Variants in FAM78B observed in about 807,000 individuals in gnomAD.
FAM78B encodes the protein family with sequence similarity 78 member B.
In FAM78B, 10 loss-of-function variants were observed where a neutral mutation model predicts 20.0. The ratio of observed to expected loss-of-function variants is 0.50; its 90% CI spans 0.31 to 0.85. The LOEUF (loss-of-function observed/expected upper bound fraction) is 0.85, where lower values mean the gene tolerates loss of function less well. Among genes scored for constraint, FAM78B ranks in the 40% least tolerant of loss-of-function variants. The probability of loss-of-function intolerance (pLI) is 0.05; values close to 1 mark genes in which losing one functional copy is unlikely to be tolerated. For missense variants in FAM78B, 283 were observed against 345.0 expected (o/e 0.82, Z 1.42); for synonymous variants, 135 against 132.8 (o/e 1.02, Z -0.12).
At chr1:166,084,258 CTCTCTCTT>C (rs1349077951) in intron 1 of FAM78B, among the ~76,000 whole-genome samples, 10 of 151,486 alleles carry the variant, frequency 6.6e-5, no homozygotes, top group African/African-American at 2.2e-4. Context: ...CTCTCTCTCT[CTCTCTCTT>C]TCTCTCTCTC....
In FAM78B at chr1:166,102,918, C is replaced by T. The variant is rs577480769; in HGVS notation, c.264-32155G>A. Reference sequence around the variant, plus strand: ...AACAGAATATACATTCTTTTCAGCACGACACCACACCTATTCCAAAATTGA... The same window carrying T: ...AACAGAATATACATTCTTTTCAGCATGACACCACACCTATTCCAAAATTGA... On this transcript the variant is annotated intron_variant, in intron 1 of 1. Coordinates refer to ENST00000354422, the MANE Select transcript of FAM78B (RefSeq NM_001017961.5). Among the ~76,000 whole-genome samples the T allele has an allele frequency of 1.2e-3, 182 of 152,306 alleles. 1 individual carries two copies. The highest frequency in any genetic ancestry group is 4.2e-3 in the African/African-American group (173 of 41,550).
At chr1:166,107,967 CA>C (rs1441115914) in intron 1 of FAM78B, among the ~76,000 whole-genome samples, 1 of 152,064 alleles carries the variant, frequency 6.6e-6, no homozygotes, top group Non-Finnish European at 1.5e-5. Flanking sequence ...AAACTCTCAG[CA>C]AAATAGGCAT....
intron 1 of FAM78B, among the ~76,000 whole-genome samples, chr1:166,151,435 T>C (rs748299447): frequency 2.0e-5 from 3 of 152,120 alleles, no homozygotes; most frequent in Admixed American, 6.6e-5. Context: ...ATGTTGAAGG[T>C]AAATCTTGAA....
rs1473528733 is a variant in FAM78B, at chr1:166,069,801, C to CCAGT, written c.*436_*439dup. 5.4e-6 allele frequency: 1 copy of CCAGT among 184,330 alleles called. No homozygotes were observed. The highest frequency in any genetic ancestry group is 2.4e-5 in the African/African-American group (1 of 42,140). The allele number at this position is 184,330 out of a possible 1,614,324, so 11.4% of individuals were successfully genotyped here. ...TCACCACCCATTTCCCCAGCACCCT[C>CCAGT]CAGTCAGACAGCAGGAGTCTGTCTT... On this transcript the variant is annotated 3_prime_UTR_variant, in exon 2 of 2. Coordinates refer to ENST00000354422, the MANE Select transcript of FAM78B (RefSeq NM_001017961.5).
chr1:166,145,723 C>T (rs17423848), intron 1 of FAM78B, among the ~76,000 whole-genome samples: 10,764 of 152,254 alleles, frequency 0.071, 458 homozygotes, highest in South Asian at 0.14. Context: ...AGCCCATCCA[C>T]GCAAGCTTTT....
At chr1:166,099,514 T>A (rs1248176797) in intron 1 of FAM78B, among the ~76,000 whole-genome samples, 1 of 152,198 alleles carries the variant, frequency 6.6e-6, no homozygotes, top group African/African-American at 2.4e-5. Context: ...AACTATCTGC[T>A]GCCTTCAGGA....
At chr1:166,096,705 G>C (rs1653290227) in intron 1 of FAM78B, among the ~76,000 whole-genome samples, 1 of 152,064 alleles carries the variant, frequency 6.6e-6, no homozygotes, top group Non-Finnish European at 1.5e-5. Context: ...TTACCCAGTT[G>C]GTCTTCCTCC....
intron 1 of FAM78B, among the ~76,000 whole-genome samples, chr1:166,105,475 C>A (rs1156507339): frequency 4.6e-5 from 7 of 152,126 alleles, no homozygotes. Context: ...GGGCTAATAT[C>A]CAGAATCTAC....
At chr1:166,150,106 G>C (rs1266504395) in intron 1 of FAM78B, among the ~76,000 whole-genome samples, 4 of 152,242 alleles carry the variant, frequency 2.6e-5, no homozygotes, top group South Asian at 2.1e-4. Flanking sequence ...CTGTGCCTCA[G>C]GGGGGGTTTG....
downstream of FAM78B, among the ~76,000 whole-genome samples, chr1:166,068,682 A>G (rs944633893): frequency 1.3e-5 from 2 of 152,258 alleles, no homozygotes; most frequent in Admixed American, 1.3e-4. Context: ...CTGAACTTCA[A>G]ATTTCTCCCT....
At chr1:166,124,111 A>G (rs1240449827) in intron 1 of FAM78B, among the ~76,000 whole-genome samples, 2 of 152,080 alleles carry the variant, frequency 1.3e-5, no homozygotes, top group Non-Finnish European at 2.9e-5. Flanking sequence ...TAGCAAAACC[A>G]ATCTCCTTGT....
intron 1 of FAM78B, among the ~76,000 whole-genome samples, chr1:166,118,367 C>T (rs1464939577): frequency 2.6e-5 from 4 of 152,140 alleles, no homozygotes; most frequent in Non-Finnish European, 5.9e-5. Context: ...AAAGTCTATA[C>T]CAAGATACCT....
intron 1 of FAM78B, among the ~76,000 whole-genome samples, chr1:166,162,843 A>G (rs564058089): frequency 1.5e-4 from 23 of 151,782 alleles, no homozygotes; most frequent in South Asian, 6.3e-4. Context: ...AACACCTTCT[A>G]TTTTCCTACC....
At chr1:166,076,438 C>T (rs1652279329) in intron 1 of FAM78B, among the ~76,000 whole-genome samples, 1 of 152,116 alleles carries the variant, frequency 6.6e-6, no homozygotes, top group Non-Finnish European at 1.5e-5. Context: ...CCCTTGCCTC[C>T]CTTATTCTTG....
chr1:166,059,056 G>C (rs958083584), exon 3 of FAM78B: 1 of 152,648 alleles, frequency 6.6e-6, no homozygotes. Context: ...CTGGGGCTTG[G>C]AGACAGAAAT....
chr1:166,090,288 A>AACAT (rs138028977), intron 1 of FAM78B, among the ~76,000 whole-genome samples: 4,198 of 152,254 alleles, frequency 0.028, 255 homozygotes, highest in Admixed American at 0.14. Context: ...AACACAAACA[A>AACAT]ACATACAACA....
rs1476977854 is a variant in FAM78B at position 166,070,700 on chromosome 1, C to A, written c.327G>T (p.Gly109=). The change falls in exon 2 of 2, where the codon GGG becomes GGT. Residue 109 remains glycine, a synonymous_variant. Coordinates refer to ENST00000354422, the MANE Select transcript of FAM78B (RefSeq NM_001017961.5). ...GRVKAISDSD[G]VSYPWYGNTT... The stretch of plus-strand genomic sequence containing the variant: ...TGTTCCCGTACCAAGGGTAGCTCAC[C>A]CCATCTGAGTCACTGATGGCTTTTA... The A allele has an allele frequency of 1.2e-6, 2 of 1,610,218 alleles. No homozygotes were observed. Among genetic ancestry groups the A allele is most frequent in the South Asian group, 2.2e-5 (2 of 90,494 alleles).
At chr1:166,103,804 A>C (rs999536000) in intron 1 of FAM78B, among the ~76,000 whole-genome samples, 2 of 152,224 alleles carry the variant, frequency 1.3e-5, no homozygotes, top group African/African-American at 4.8e-5. Context: ...TTCCTTCTGA[A>C]ACTATTCCAA....
intron 1 of FAM78B, among the ~76,000 whole-genome samples, chr1:166,157,789 G>A (rs1343422061): frequency 6.6e-6 from 1 of 152,032 alleles, no homozygotes; most frequent in East Asian, 1.9e-4. Context: ...GCCCAGGGCT[G>A]CCCATTAGGG....
Sources: allele counts gnomAD v4.1 joint callset (sites outside exome capture counted in the v4.1 genomes callset), GRCh38; gene constraint gnomAD v4.1.1; transcripts MANE v1.5; gene names NCBI Gene and HGNC (gene_info 2026-07-23, HGNC 2026-07-21).